The following GPS1 variants were observed in gnomAD, a reference collection of about 807,000 sequenced individuals.
GPS1 encodes COP9 signalosome complex subunit 1.
A neutral mutation model predicts 60.0 loss-of-function variants in GPS1; 11 were observed. The observed-to-expected ratio is 0.18, with a 90% CI of 0.12 to 0.30. The LOEUF (loss-of-function observed/expected upper bound fraction) is 0.30, where lower values mean the gene tolerates loss of function less well. Among genes scored for constraint, GPS1 ranks in the 10% least tolerant of loss-of-function variants. The pLI is 1.00. For missense variants in GPS1, 543 were observed against 669.2 expected (o/e 0.81, Z 2.08); for synonymous variants, 343 against 269.8 (o/e 1.27, Z -2.66).
intron 3 of GPS1, 81 bp downstream of exon 3, chr17:82,054,130 C>T (rs1395589511): frequency 7.0e-7 from 1 of 1,425,378 alleles, no homozygotes; most frequent in Non-Finnish European, 9.4e-7. Context: ...CTTCCTGTGC[C>T]CTGCATCTCC....
chr17:82,055,504 C>G (rs2032379609), intron 6 of GPS1: 1 of 607,554 alleles, frequency 1.6e-6, no homozygotes, highest in Non-Finnish European at 2.9e-6. Flanking sequence ...GCCCTGCTAG[C>G]ACCTAGGGCT....
intron 7 of GPS1, 57 bp from the exon 8 acceptor site, chr17:82,055,944 G>A: frequency 6.9e-7 from 1 of 1,445,752 alleles, no homozygotes; most frequent in Non-Finnish European, 9.7e-7. Context: ...CGGGTGATGG[G>A]CAGGCAGGGG....
upstream of GPS1, chr17:82,051,316 G>A (rs747063178): frequency 1.4e-6 from 2 of 1,442,832 alleles, no homozygotes; most frequent in Non-Finnish European, 1.8e-6. This position sits in a 1 kb window ranked among gnomAD's most constrained non-coding sequence, Gnocchi z 4.1. Flanking sequence ...CGAGCTCAGG[G>A]TCGTCCCCGT....
Position 82,057,280 on chromosome 17 carries a change from C to A in GPS1, c.*153C>A. The A allele has an allele frequency of 1.0e-6, 1 of 991,244 alleles. No individual in the cohort carries two copies. The highest frequency in any genetic ancestry group is 1.6e-6 in the Non-Finnish European group (1 of 637,244). The allele number at this position is 991,244 out of a possible 1,614,324, so 61.4% of individuals were successfully genotyped here. A position where few individuals can be genotyped will look rare whatever the true frequency, so the allele number is the denominator to read the frequency against. On this transcript the variant is annotated 3_prime_UTR_variant, in exon 13 of 13. Transcript: ENST00000578552. ...TGTGCCCTCCCTGGGGCTGAGGAGGCAGGCGGCTGCTAGTTGTGGCCCTTC... is the reference window on the plus strand; with the variant it reads ...TGTGCCCTCCCTGGGGCTGAGGAGGAAGGCGGCTGCTAGTTGTGGCCCTTC...
chr17:82,052,146 TGCGCGCTGCGATCGGGGGCCGCCGGGCC>T (rs2030847526), intron 1 of GPS1, 182 bp downstream of exon 1: 1 of 1,047,972 alleles, frequency 9.5e-7, no homozygotes, highest in East Asian at 3.8e-5. Flanking sequence ...CCGCCGTGGC[TGCGCGCTGCGATCGGGGGCCGCCGGGCC>T]GCGCCCGCCC....
rs1226676627 is a variant in GPS1, at chr17:82,056,925, A to C, written c.1340A>C (p.Lys447Thr). 4 of 1,612,834 alleles carry C rather than the reference A, an allele frequency of 2.5e-6. No individual in the cohort carries two copies. In the African/African-American group the frequency reaches 5.3e-5, roughly 22 times the overall value. Reference sequence around the variant, plus strand: ...GGCAAGGAGTTCCAGCGCCGCGCCAAGGCCATGATGCTGCGGGCAGCTGTG... The same window carrying C: ...GGCAAGGAGTTCCAGCGCCGCGCCACGGCCATGATGCTGCGGGCAGCTGTG... Reference protein sequence around the residue: ...LMGKEFQRRAKAMMLRAAVLR... With the variant: ...LMGKEFQRRATAMMLRAAVLR... Residue 447 changes from lysine to threonine, a missense_variant, in exon 12 of 13, where the codon AAG becomes ACG. By Grantham distance (78) the Lys-to-Thr change is moderately conservative. Transcript: ENST00000578552.
intron 8 of GPS1, 76 bp downstream of exon 8, chr17:82,056,171 C>T (rs1428590477): frequency 7.3e-7 from 1 of 1,376,700 alleles, no homozygotes; most frequent in South Asian, 1.2e-5. Flanking sequence ...CTTGCATGTC[C>T]TGGCCCCCTG....
In GPS1 at chr17:82,056,085, A is replaced by G; in HGVS notation, c.919A>G (p.Ile307Val). ...CCGGCAGGAGCTGCAGCGCAATGTC[A>G]TCTCCAGCAGGTAGGTGCCCCGGTC... ...FDRQELQRNV[I>V]SSSSFKLFLE... The change falls in exon 8 of 13, where the codon ATC (isoleucine) becomes GTC (valine). Residue 307 changes from isoleucine (I) to valine (V), a missense_variant. Physicochemically the swap from Ile to Val is conservative, Grantham distance 29. This residue lies in a region of GPS1 where 291 missense variants were observed against 353.7 expected (regional missense o/e 0.82). Coordinates refer to ENST00000578552, the MANE Select transcript of GPS1 (RefSeq NM_001321092.3). 4 of 1,611,832 alleles carry G rather than the reference A, an allele frequency of 2.5e-6. No individual in the cohort carries two copies. The highest frequency in any genetic ancestry group is 3.4e-6 in the Non-Finnish European group (4 of 1,179,404).
rs555445570 is a variant in GPS1, at chr17:82,057,369, G to A, written c.*242G>A. ...TCTGTCCCCAGGGAGCAGACTGTGCGGCACCCAGGCCCAGTGGCACCATTT... is the reference window on the plus strand; with the variant it reads ...TCTGTCCCCAGGGAGCAGACTGTGCAGCACCCAGGCCCAGTGGCACCATTT... On this transcript the variant is annotated 3_prime_UTR_variant, in exon 13 of 13. Transcript: ENST00000578552. 13 of 688,886 alleles carry A rather than the reference G, an allele frequency of 1.9e-5. No individual in the cohort carries two copies. Among genetic ancestry groups the A allele is most frequent in the South Asian group, 7.5e-5 (5 of 66,676 alleles). 42.7% of individuals were successfully genotyped at this position (688,886 alleles called of 1,614,324 possible).
At chr17:82,051,609 G>C, upstream of GPS1, 1 of 1,252,606 alleles carries the variant, frequency 8.0e-7, no homozygotes, top group Non-Finnish European at 1.0e-6. The surrounding 1 kb of genome is among the most constrained non-coding windows in gnomAD (Gnocchi z 4.1). Flanking sequence ...CCGCAGGCTG[G>C]GGGCAGCGGG....
chr17:82,054,145 CCT>C (rs2031897482), intron 3 of GPS1, 96 bp downstream of exon 3: 13 of 1,364,954 alleles, frequency 9.5e-6, no homozygotes, highest in South Asian at 2.9e-5. Context: ...ATCTCCCACC[CCT>C]GTGCTGGGAA....
At chr17:82,055,460 G>T (rs2032369417) in intron 6 of GPS1, 3 of 616,090 alleles carry the variant, frequency 4.9e-6, no homozygotes, top group Non-Finnish European at 5.8e-6. Context: ...AGGTCTGCCA[G>T]CCCGAGCTGC....
At chr17:82,056,175 C>T (rs1046200068) in intron 8 of GPS1, 80 bp downstream of exon 8, 6 of 1,377,052 alleles carry the variant, frequency 4.4e-6, no homozygotes, top group Middle Eastern at 2.0e-4. Flanking sequence ...CATGTCCTGG[C>T]CCCCTGGCCC....
chr17:82,053,096 G>T (rs535023074), intron 1 of GPS1, 178 bp from the exon 2 acceptor site: 15 of 438,794 alleles, frequency 3.4e-5, no homozygotes, highest in Middle Eastern at 5.8e-4. Context: ...TGGCACAGGA[G>T]CCTGGGTGGG....
chr17:82,053,484 C>A, intron 2 of GPS1, 118 bp downstream of exon 2: 1 of 731,586 alleles, frequency 1.4e-6, no homozygotes, highest in Non-Finnish European at 2.0e-6. Context: ...TCGCTGTCGT[C>A]TTTTTCTGAC....
rs764051315 is a variant in GPS1, at chr17:82,057,240, G to C, written c.*113G>C. The C allele has an allele frequency of 2.7e-5, 37 of 1,363,450 alleles. No homozygotes were observed. The highest frequency in any genetic ancestry group is 3.7e-5 in the Non-Finnish European group (36 of 968,110). The allele number at this position is 1,363,450 out of a possible 1,614,324, so 84.5% of individuals were successfully genotyped here. A position where few individuals can be genotyped will look rare whatever the true frequency, so the allele number is the denominator to read the frequency against. The stretch of plus-strand genomic sequence containing the variant: ...CCCAGCTAAGGGGCCTGGCCACTGG[G>C]TGCCACCCAGCCTGTGTGCCCTCCC... On this transcript the variant is annotated 3_prime_UTR_variant, in exon 13 of 13. Transcript: ENST00000578552.
Position 82,054,765 on chromosome 17 carries a change from C to T in GPS1, c.564C>T (p.Cys188=), listed in dbSNP as rs775512549. ...LKCYSRARDY[C]TSAKHVINMC... Reference sequence around the variant, plus strand: ...GCTATTCCCGGGCCCGGGACTACTGCACCAGCGCCAAACACGTCATCAACA... The same window carrying T: ...GCTATTCCCGGGCCCGGGACTACTGTACCAGCGCCAAACACGTCATCAACA... The change falls in exon 4 of 13, where the codon TGC becomes TGT. Residue 188 remains cysteine, a synonymous_variant. Transcript: ENST00000578552. 7 of 1,609,622 alleles carry T rather than the reference C, an allele frequency of 4.3e-6. No homozygotes were observed. The highest frequency in any genetic ancestry group is 3.3e-5 in the Admixed American group (2 of 59,906).
chr17:82,051,236 G>A (rs746744215), upstream of GPS1: 4 of 1,323,784 alleles, frequency 3.0e-6, no homozygotes, highest in Non-Finnish European at 3.9e-6. The surrounding 1 kb of genome is among the most constrained non-coding windows in gnomAD (Gnocchi z 4.1). Context: ...CGTGGCTTCG[G>A]AGCGAGAAAG....
At chr17:82,057,001 G>T (rs377386595) in intron 12 of GPS1, 27 bp downstream of exon 12, 1 of 1,611,984 alleles carries the variant, frequency 6.2e-7, no homozygotes, top group Non-Finnish European at 8.5e-7. Flanking sequence ...GGGGGCAGGC[G>T]CACGGCGTGT....
Sources: gnomAD v4.1 joint callset for allele counts on GRCh38, gnomAD v4.1.1 for gene constraint, gnomAD v4.1.1 regional missense constraint, Gnocchi (gnomAD v3.1) non-coding constraint, MANE v1.5 for transcripts, NCBI Gene and HGNC (gene_info 2026-07-23, HGNC 2026-07-21) for gene names.